ALMS1: variants seen among roughly 807,000 people sequenced by gnomAD.
ALMS1 encodes centrosome-associated protein ALMS1.
A neutral mutation model predicts 352.2 loss-of-function variants in ALMS1; 271 were observed. The ratio of observed to expected loss-of-function variants is 0.77; its 90% confidence interval spans 0.70 to 0.85. ALMS1 has a LOEUF of 0.85. Among genes scored for constraint, ALMS1 ranks in the 40% least tolerant of loss-of-function variants. The probability of loss-of-function intolerance (pLI) is 0.00; values close to 1 mark genes in which losing one functional copy is unlikely to be tolerated. For missense variants in ALMS1, 5,445 were observed against 4,870.7 expected, an observed-to-expected ratio of 1.12 and a Z score of -3.51; for synonymous variants, 1,865 against 1,761.2, an observed-to-expected ratio of 1.06 and a Z score of -1.48.
Position 73,455,305 on chromosome 2 carries a change from A to G in ALMS1, c.7674+10A>G, listed in dbSNP as rs1553404676. On this transcript the variant is annotated intron_variant, in intron 9 of 22. Transcript: ENST00000613296. Reference sequence around the variant, plus strand: ...AACTGACTTGTCCAAGGTATAAAAGAAATCTGGAAATGAAGAAAGTAAATA... The same window carrying G: ...AACTGACTTGTCCAAGGTATAAAAGGAATCTGGAAATGAAGAAAGTAAATA... 10 of 1,613,836 alleles carry G rather than the reference A, an allele frequency of 6.2e-6. No homozygotes were observed. In the East Asian group the frequency reaches 2.2e-4, roughly 36 times the overall value.
At chr2:73,558,136 G>A (rs1455017526) in intron 14 of ALMS1, among the ~76,000 whole-genome samples, 4 of 152,194 alleles carry the variant, frequency 2.6e-5, no homozygotes, top group African/African-American at 4.8e-5. Context: ...ATGGTCACAT[G>A]TACCAGGGAA....
At chr2:73,485,671 G>A (rs912983980) in intron 9 of ALMS1, among the ~76,000 whole-genome samples, 3 of 152,158 alleles carry the variant, frequency 2.0e-5, no homozygotes, top group Non-Finnish European at 4.4e-5. Context: ...CCCTCCCCCA[G>A]CCTCGCTGCC....
At chr2:73,507,140 T>C (rs1451347502) in intron 10 of ALMS1, among the ~76,000 whole-genome samples, 1 of 152,170 alleles carries the variant, frequency 6.6e-6, no homozygotes, top group Non-Finnish European at 1.5e-5. Flanking sequence ...GACTTGATCT[T>C]GGTGGATAAG....
intron 9 of ALMS1, chr2:73,459,489 C>T (rs1672142133): frequency 6.6e-6 from 1 of 152,076 alleles, no homozygotes; most frequent in Admixed American, 6.5e-5. Context: ...AAAATTCCAT[C>T]ATTGCTTCAA....
At chr2:73,459,279 G>A (rs1429944765) in intron 9 of ALMS1, 1 of 152,020 alleles carries the variant, frequency 6.6e-6, no homozygotes, top group Non-Finnish European at 1.5e-5. Flanking sequence ...ATGTTGATTT[G>A]TCTCAATACT....
chr2:73,424,602 T>C lies in ALMS1; in HGVS notation c.937T>C (p.Leu313=). 1 of 1,614,036 alleles carries C rather than the reference T, an allele frequency of 6.2e-7. No individual in the cohort carries two copies. The highest frequency in any genetic ancestry group is 8.5e-7 in the Non-Finnish European group (1 of 1,180,018). The part of the protein sequence containing the change: ...STAVGSQCPF[L]PSEQGNNEET... ...AGCTGTTGGGTCTCAGTGCCCTTTT[T>C]TACCTTCTGAACAAGGGAATAATGA... The change falls in exon 5 of 23, where the codon TTA becomes CTA. Residue 313 remains leucine, a synonymous_variant. Coordinates refer to ENST00000613296, the MANE Select transcript of ALMS1 (RefSeq NM_001378454.1).
chr2:73,468,104 A>C (rs991996685), intron 9 of ALMS1, among the ~76,000 whole-genome samples: 2 of 152,046 alleles, frequency 1.3e-5, no homozygotes, highest in African/African-American at 4.8e-5. Flanking sequence ...AAAAGGAAAC[A>C]TTGAACAAGA....
intron 15 of ALMS1, among the ~76,000 whole-genome samples, chr2:73,570,829 C>T (rs1377987999): frequency 6.6e-6 from 1 of 152,130 alleles, no homozygotes; most frequent in Non-Finnish European, 1.5e-5. Flanking sequence ...TGCCTCAGGA[C>T]ATCCACAGAA....
intron 15 of ALMS1, among the ~76,000 whole-genome samples, chr2:73,568,992 C>CTGCTTTT (rs1674862254): frequency 1.5e-5 from 1 of 66,904 alleles, no homozygotes; most frequent in Non-Finnish European, 3.0e-5. Context: ...GCTGCTTCTG[C>CTGCTTTT]TTCTTTTTTT....
intron 9 of ALMS1, among the ~76,000 whole-genome samples, chr2:73,463,281 C>T (rs1342387244): frequency 6.6e-6 from 1 of 152,200 alleles, no homozygotes; most frequent in Non-Finnish European, 1.5e-5. Context: ...CAAATTGGAA[C>T]TCAGGATTCA....
intron 7 of ALMS1, among the ~76,000 whole-genome samples, chr2:73,445,472 T>C (rs1671792760): frequency 6.6e-6 from 1 of 152,154 alleles, no homozygotes; most frequent in Admixed American, 6.6e-5. Flanking sequence ...TGTGTGCTAG[T>C]ATTAAAACCC....
At chr2:73,478,179 T>C (rs1558661689) in intron 9 of ALMS1, among the ~76,000 whole-genome samples, 1 of 152,176 alleles carries the variant, frequency 6.6e-6, no homozygotes, top group African/African-American at 2.4e-5. Flanking sequence ...CAAAAACGTA[T>C]TGGGTTTTGT....
At chr2:73,531,674 C>T (rs548211637) in intron 11 of ALMS1, among the ~76,000 whole-genome samples, 1 of 152,316 alleles carries the variant, frequency 6.6e-6, no homozygotes, top group South Asian at 2.1e-4. Context: ...TATTCATTTT[C>T]ACACTGCTTT....
At chr2:73,552,392 A>C (rs569007291) in intron 13 of ALMS1, among the ~76,000 whole-genome samples, 1 of 152,212 alleles carries the variant, frequency 6.6e-6, no homozygotes, top group African/African-American at 2.4e-5. Context: ...GTTTTCCACT[A>C]TCCATATGCT....
At chr2:73,421,284 A>AT (rs557928796) in intron 3 of ALMS1, among the ~76,000 whole-genome samples, 13 of 152,066 alleles carry the variant, frequency 8.5e-5, no homozygotes, top group Non-Finnish European at 1.6e-4. Context: ...GTTAACTCTA[A>AT]TTTTTTTTGA....
intron 12 of ALMS1, among the ~76,000 whole-genome samples, chr2:73,536,688 G>T (rs905378631): frequency 6.6e-6 from 1 of 152,114 alleles, no homozygotes; most frequent in Non-Finnish European, 1.5e-5. Context: ...ATCATTGTTA[G>T]CAAATATTTG....
chr2:73,558,551 C>T (rs2104062105), intron 14 of ALMS1, among the ~76,000 whole-genome samples: 1 of 152,322 alleles, frequency 6.6e-6, no homozygotes, highest in South Asian at 2.1e-4. Context: ...ACCTCTTTTC[C>T]TTATAAATTC....
intron 12 of ALMS1, among the ~76,000 whole-genome samples, chr2:73,548,391 C>T (rs186607263): frequency 2.0e-4 from 31 of 152,306 alleles, no homozygotes; most frequent in African/African-American, 2.9e-4. Context: ...TTCACTGACA[C>T]GCACACATGT....
chr2:73,421,046 T>G, intron 3 of ALMS1, among the ~76,000 whole-genome samples: 1 of 152,152 alleles, frequency 6.6e-6, no homozygotes, highest in Admixed American at 6.5e-5. Flanking sequence ...CAGATAATGT[T>G]GTACACTTGA....
Sources: gnomAD v4.1 joint callset for allele counts (sites outside exome capture counted in the v4.1 genomes callset) on GRCh38, gnomAD v4.1.1 for gene constraint, MANE v1.5 for transcripts, NCBI Gene and HGNC (gene_info 2026-07-23, HGNC 2026-07-21) for gene names.